Variants in TTYH2 observed in about 807,000 individuals in gnomAD.
TTYH2 encodes the protein protein tweety homolog 2.
A neutral mutation model predicts 68.3 loss-of-function variants in TTYH2; 49 were observed. That is an observed-to-expected ratio of 0.72 (90% CI 0.57 to 0.91). TTYH2 has a LOEUF of 0.91. Among genes scored for constraint, TTYH2 ranks in the 40% least tolerant of loss-of-function variants. TTYH2 has a pLI of 0.00. For missense variants in TTYH2, 631 were observed against 700.4 expected (o/e 0.90, Z 1.12); for synonymous variants, 272 against 300.8 (o/e 0.90, Z 0.99).
At position 74,214,043 on chromosome 17, in the gene TTYH2, CAG is replaced by C. The variant is rs1390561073; in HGVS notation, c.129+328_129+329del. The stretch of plus-strand genomic sequence containing the variant: ...GGGCGGCGCGGGGGAGGGGTAAGGA[CAG>C]GGGCATTCGTCTCGGGGTAATCCTG... On this transcript the variant is annotated intron_variant, in intron 1 of 13. Transcript: ENST00000269346. The surrounding 1 kb of genome is among the most constrained non-coding windows in gnomAD (Gnocchi z 4.6). Among the ~76,000 whole-genome samples, 1 of 152,034 alleles carries C rather than the reference CAG, an allele frequency of 6.6e-6. No homozygotes were observed. The highest frequency in any genetic ancestry group is 2.4e-5 in the African/African-American group (1 of 41,408).
At chr17:74,234,273 C>T (rs1416333497) in intron 3 of TTYH2, among the ~76,000 whole-genome samples, 1 of 152,202 alleles carries the variant, frequency 6.6e-6, no homozygotes, top group African/African-American at 2.4e-5. Flanking sequence ...TCCTCTAGAC[C>T]GTGGTCTCCG....
chr17:74,227,404 G>A (rs1444152110), intron 2 of TTYH2, among the ~76,000 whole-genome samples: 4 of 152,130 alleles, frequency 2.6e-5, no homozygotes, highest in African/African-American at 9.7e-5. Context: ...ACACTAAATC[G>A]TGACTCAGAG....
At position 74,227,240 on chromosome 17, in the gene TTYH2, G is replaced by T. The variant is rs565375379; in HGVS notation, c.303-3648G>T. Among the ~76,000 whole-genome samples, 8 of 152,208 alleles carry T rather than the reference G, an allele frequency of 5.3e-5. No homozygotes were observed. The South Asian group carries it at 1.4e-3, about 28-fold the overall frequency. The stretch of plus-strand genomic sequence containing the variant: ...TCTGCCTGCCTCAGCCTCCCAAAGT[G>T]CTGGGATTACAGGCTTGAGCCCCAA... On this transcript the variant is annotated intron_variant, in intron 2 of 13. Coordinates refer to ENST00000269346, the MANE Select transcript of TTYH2 (RefSeq NM_032646.6).
At chr17:74,220,268 G>A (rs1258736160) in intron 1 of TTYH2, among the ~76,000 whole-genome samples, 1 of 152,216 alleles carries the variant, frequency 6.6e-6, no homozygotes, top group Non-Finnish European at 1.5e-5. Context: ...GCTCTGTGTT[G>A]CAGGGCTCTG....
intron 13 of TTYH2, among the ~76,000 whole-genome samples, chr17:74,254,372 T>A (rs2050671654): frequency 6.6e-6 from 1 of 152,168 alleles, no homozygotes; most frequent in Admixed American, 6.5e-5. Flanking sequence ...TTCTCCATGA[T>A]GGCCAGGCTG....
intron 12 of TTYH2, 56 bp from the exon 13 acceptor site, chr17:74,253,699 A>G: frequency 1.9e-6 from 3 of 1,570,218 alleles, no homozygotes; most frequent in Non-Finnish European, 1.8e-6. Flanking sequence ...GTAGAAATCT[A>G]CACACACCCC....
At chr17:74,231,344 C>T (rs763365944) in intron 3 of TTYH2, among the ~76,000 whole-genome samples, 2 of 152,138 alleles carry the variant, frequency 1.3e-5, no homozygotes, top group Non-Finnish European at 2.9e-5. Flanking sequence ...ATTTTAAGTG[C>T]TGCATATGGA....
chr17:74,224,716 A>G (rs2050312534), intron 2 of TTYH2, among the ~76,000 whole-genome samples: 1 of 152,032 alleles, frequency 6.6e-6, no homozygotes. Context: ...CTAAAGAGAG[A>G]GGGCTGGGCG....
chr17:74,240,029 A>T (rs1202108758), intron 4 of TTYH2, among the ~76,000 whole-genome samples: 1 of 152,218 alleles, frequency 6.6e-6, no homozygotes, highest in East Asian at 1.9e-4. Context: ...AAGGCGGCTT[A>T]TTGTTAAGGC....
rs377270701 is a variant in TTYH2 at position 74,216,351 on chromosome 17, A to G, written c.129+2635A>G. On this transcript the variant is annotated intron_variant, in intron 1 of 13. Coordinates refer to ENST00000269346, the MANE Select transcript of TTYH2 (RefSeq NM_032646.6). The stretch of plus-strand genomic sequence containing the variant: ...TGGGGGGTGGGTGCGTGTGCATCAG[A>G]GACTAAGCAAGGATGGAAACAGGCA... Among the ~76,000 whole-genome samples, 11 of 152,216 alleles carry G rather than the reference A, an allele frequency of 7.2e-5. No homozygotes were observed. The South Asian group carries it at 2.3e-3, about 32-fold the overall frequency.
Position 74,232,989 on chromosome 17 carries a change from AT to A in TTYH2, c.414+1993del, listed in dbSNP as rs1261596874. 6.6e-6 allele frequency among the ~76,000 whole-genome samples: 1 copy of A among 152,034 alleles called. No individual in the cohort carries two copies. The highest frequency in any genetic ancestry group is 2.4e-5 in the African/African-American group (1 of 41,384). On this transcript the variant is annotated intron_variant, in intron 3 of 13. Transcript: ENST00000269346. This position sits in a 1 kb window ranked among gnomAD's most constrained non-coding sequence, Gnocchi z 5.1. ...CCCTGCTCCAGGGCCAGGTTTGGACATTTCACAGCAGGCCCCACTCTCTGAA... is the reference window on the plus strand; with the variant it reads ...CCCTGCTCCAGGGCCAGGTTTGGACATTCACAGCAGGCCCCACTCTCTGAA...
At chr17:74,240,983 G>C (rs1413876804) in intron 4 of TTYH2, 2 of 152,238 alleles carry the variant, frequency 1.3e-5, no homozygotes, top group Non-Finnish European at 2.9e-5. Flanking sequence ...CGAGTGGTGA[G>C]AAGAAATCTT....
At chr17:74,237,128 G>A (rs2050450942) in intron 3 of TTYH2, among the ~76,000 whole-genome samples, 166 bp from the exon 4 acceptor site, 1 of 151,886 alleles carries the variant, frequency 6.6e-6, no homozygotes, top group African/African-American at 2.4e-5. Context: ...TCAAACTCCT[G>A]GGTTCAAGCA....
chr17:74,242,735 G>T (rs1171825393), intron 4 of TTYH2, among the ~76,000 whole-genome samples: 1 of 152,190 alleles, frequency 6.6e-6, no homozygotes, highest in Non-Finnish European at 1.5e-5. Flanking sequence ...CCAGCAAGGG[G>T]GCAAGATGGG....
intron 6 of TTYH2, 193 bp from the exon 7 acceptor site, chr17:74,248,818 A>C (rs1425665130): frequency 2.1e-6 from 3 of 1,425,212 alleles, no homozygotes; most frequent in African/African-American, 2.9e-5. Context: ...AGGAAGAATA[A>C]GTAACTTGTC....
intron 2 of TTYH2, among the ~76,000 whole-genome samples, chr17:74,223,171 C>T (rs1250209298): frequency 2.6e-5 from 4 of 151,912 alleles, no homozygotes; most frequent in Admixed American, 1.3e-4. Context: ...TGCAGTGGTG[C>T]GATCACAGCT....
At chr17:74,254,368 A>G (rs558666031) in intron 13 of TTYH2, among the ~76,000 whole-genome samples, 176 of 152,294 alleles carry the variant, frequency 1.2e-3, no homozygotes, top group African/African-American at 4.0e-3. Flanking sequence ...GGGTTTCTCC[A>G]TGATGGCCAG....
intron 2 of TTYH2, among the ~76,000 whole-genome samples, chr17:74,229,992 G>A (rs991295277): frequency 2.6e-5 from 4 of 152,144 alleles, no homozygotes; most frequent in East Asian, 1.9e-4. Flanking sequence ...TTAGCCAGGC[G>A]TGGTGGCGGA....
In TTYH2 at chr17:74,230,936, G is replaced by C. The variant is rs1484501856; in HGVS notation, c.351G>C (p.Gly117=). Residue 117 remains glycine (G), a synonymous_variant, in exon 3 of 14, where the codon GGG becomes GGC. Coordinates refer to ENST00000269346, the MANE Select transcript of TTYH2 (RefSeq NM_032646.6). ...ATGGAAACAGCGAGACCAACGATGGGGCGTACCAGCTGATGTACTCCTTGG... is the reference window on the plus strand; with the variant it reads ...ATGGAAACAGCGAGACCAACGATGGCGCGTACCAGCTGATGTACTCCTTGG... ...GFYGNSETND[G]AYQLMYSLDD... 1.9e-6 allele frequency: 3 copies of C among 1,614,066 alleles called. No homozygotes were observed. The highest frequency in any genetic ancestry group is 2.5e-6 in the Non-Finnish European group (3 of 1,180,030).
Sources: allele counts gnomAD v4.1 joint callset (sites outside exome capture counted in the v4.1 genomes callset), GRCh38; gene constraint gnomAD v4.1.1; non-coding constraint Gnocchi (gnomAD v3.1); transcripts MANE v1.5; gene names NCBI Gene and HGNC (gene_info 2026-07-23, HGNC 2026-07-21).